The following NDST3 variants were observed in gnomAD, a reference collection of about 807,000 sequenced individuals.
NDST3 encodes the protein N-deacetylase and N-sulfotransferase 3.
Under a neutral mutation model 96.1 loss-of-function variants are expected in NDST3, and 58 were observed. That is an observed-to-expected ratio of 0.60 (90% CI 0.49 to 0.75). The LOEUF (loss-of-function observed/expected upper bound fraction) is 0.75, where lower values mean the gene tolerates loss of function less well. Ranked by LOEUF, NDST3 falls within the 30% of genes least tolerant of loss-of-function variation. The pLI, the probability that NDST3 is intolerant of heterozygous loss-of-function variation, is 0.00. For synonymous variants in NDST3, 333 were observed against 359.7 expected, an observed-to-expected ratio of 0.93 and a Z score of 0.84; for missense variants, 788 against 1,034.2, an observed-to-expected ratio of 0.76 and a Z score of 3.27.
chr4:118,104,001 C>T (rs1729968687), intron 2 of NDST3, among the ~76,000 whole-genome samples: 1 of 152,166 alleles, frequency 6.6e-6, no homozygotes, highest in Non-Finnish European at 1.5e-5. Flanking sequence ...GAATAAAAAA[C>T]TCTATCTGCT....
At chr4:118,072,792 C>A (rs1727192295) in intron 2 of NDST3, among the ~76,000 whole-genome samples, 1 of 151,998 alleles carries the variant, frequency 6.6e-6, no homozygotes, top group Admixed American at 6.6e-5. Flanking sequence ...CAGTGGGCAT[C>A]CTTGTTTTGT....
intron 6 of NDST3, among the ~76,000 whole-genome samples, chr4:118,214,069 G>A (rs2125988317): frequency 6.6e-6 from 1 of 152,052 alleles, no homozygotes; most frequent in Non-Finnish European, 1.5e-5. Flanking sequence ...TTATGAAAGA[G>A]CAGTGGAGAT....
intron 4 of NDST3, among the ~76,000 whole-genome samples, chr4:118,125,807 A>G (rs1388196568): frequency 6.6e-6 from 1 of 152,100 alleles, no homozygotes; most frequent in Non-Finnish European, 1.5e-5. Flanking sequence ...AAACCATACC[A>G]GAAATATTAT....
chr4:118,240,444 G>C lies in NDST3; in HGVS notation c.2119-80G>C, dbSNP rs191909687. On this transcript the variant is annotated intron_variant, in intron 10 of 13. Transcript: ENST00000296499. ...GTGAGGCACTTCTTTCTTTAGCTTT[G>C]AGACTTGTCACAAAGATTGATTTTT... is the stretch of plus-strand genomic sequence containing the variant. 4 of 1,238,992 alleles carry C rather than the reference G, an allele frequency of 3.2e-6. No individual in the cohort carries two copies. The Admixed American group carries it at 1.1e-4, about 33-fold the overall frequency. The allele number at this position is 1,238,992 out of a possible 1,614,324, so 76.7% of individuals were successfully genotyped here. A position where few individuals can be genotyped will look rare whatever the true frequency, so the allele number is the denominator to read the frequency against.
intron 1 of NDST3, among the ~76,000 whole-genome samples, chr4:118,036,564 A>G (rs1470454420): frequency 6.6e-6 from 1 of 152,196 alleles, no homozygotes; most frequent in Non-Finnish European, 1.5e-5. Flanking sequence ...AGGCCACAAA[A>G]GTAACGACCT....
chr4:118,126,521 TATATATATATATACAC>T (rs146307017), intron 4 of NDST3, among the ~76,000 whole-genome samples: 70,360 of 112,324 alleles, frequency 0.63, 20,184 homozygotes, highest in Admixed American at 0.74. Context: ...TGTGTATATA[TATATATATATATACAC>T]ATATATATAT....
intron 9 of NDST3, among the ~76,000 whole-genome samples, chr4:118,235,246 T>C (rs939973727): frequency 6.6e-6 from 1 of 152,168 alleles, no homozygotes; most frequent in African/African-American, 2.4e-5. Flanking sequence ...CACTAATTCT[T>C]TGAATAACCT....
intron 6 of NDST3, chr4:118,194,250 T>C (rs961322820): frequency 3.4e-5 from 25 of 724,674 alleles, no homozygotes; most frequent in Admixed American, 2.3e-4. Flanking sequence ...ATCTCCATGA[T>C]AGCACCCTCA....
At chr4:118,102,886 G>A (rs1560644279) in intron 2 of NDST3, among the ~76,000 whole-genome samples, 2 of 151,990 alleles carry the variant, frequency 1.3e-5, no homozygotes, top group Admixed American at 1.3e-4. Context: ...TCTGCCATCT[G>A]TTTCAATGTA....
chr4:118,183,677 A>T (rs962606962), intron 6 of NDST3, among the ~76,000 whole-genome samples: 1 of 152,088 alleles, frequency 6.6e-6, no homozygotes, highest in Admixed American at 6.6e-5. Context: ...GTTTTTTACC[A>T]CCTCCCTTGC....
intron 2 of NDST3, among the ~76,000 whole-genome samples, chr4:118,074,659 G>C (rs1305786985): frequency 1.3e-5 from 2 of 152,152 alleles, no homozygotes; most frequent in South Asian, 2.1e-4. Flanking sequence ...TGTCCTTGAA[G>C]ACTGCATACA....
intron 6 of NDST3, among the ~76,000 whole-genome samples, chr4:118,167,753 T>A (rs1383277289): frequency 6.6e-6 from 1 of 151,844 alleles, no homozygotes; most frequent in Non-Finnish European, 1.5e-5. Flanking sequence ...CAGAAATAAA[T>A]CTATGCATAT....
Position 118,257,849 on chromosome 4 carries a change from C to T in NDST3, c.*2137C>T, listed in dbSNP as rs1742208711. 1 of 152,140 alleles carries T rather than the reference C, an allele frequency of 6.6e-6. No homozygotes were observed. Among genetic ancestry groups the T allele is most frequent in the Non-Finnish European group, 1.5e-5 (1 of 68,022 alleles). 9.4% of individuals were successfully genotyped at this position (152,140 alleles called of 1,614,324 possible). The stretch of plus-strand genomic sequence containing the variant: ...ATGCTTACTGCTGTCTCTTTTATAG[C>T]AGCAGATGCCAGACATGCTAGGAAA... On this transcript the variant is annotated 3_prime_UTR_variant, in exon 14 of 14. Transcript: ENST00000296499.
intron 2 of NDST3, among the ~76,000 whole-genome samples, chr4:118,070,877 T>A (rs759246383): frequency 6.6e-6 from 1 of 152,012 alleles, no homozygotes; most frequent in Non-Finnish European, 1.5e-5. Flanking sequence ...AATTCCCACC[T>A]ATGACTGAGA....
intron 6 of NDST3, among the ~76,000 whole-genome samples, chr4:118,202,773 T>G (rs1738177537): frequency 6.6e-6 from 1 of 152,198 alleles, no homozygotes; most frequent in African/African-American, 2.4e-5. Flanking sequence ...AGGGAGAGTT[T>G]GACTTCCTTT....
At chr4:118,143,932 A>G (rs1286485514) in intron 6 of NDST3, among the ~76,000 whole-genome samples, 2 of 152,162 alleles carry the variant, frequency 1.3e-5, no homozygotes, top group Non-Finnish European at 2.9e-5. Context: ...TTTGCATTGC[A>G]AAGTGATCAG....
At chr4:118,197,803 CTTTT>C (rs749135213) in intron 6 of NDST3, among the ~76,000 whole-genome samples, 2 of 127,384 alleles carry the variant, frequency 1.6e-5, no homozygotes, top group African/African-American at 5.8e-5. Flanking sequence ...TGGCTTTTGG[CTTTT>C]TTTTTTTTTT....
intron 4 of NDST3, among the ~76,000 whole-genome samples, chr4:118,131,806 C>A (rs866303159): frequency 1.4e-4 from 21 of 151,898 alleles, no homozygotes; most frequent in South Asian, 6.2e-4. Flanking sequence ...CTTGCAGACT[C>A]GTAGAGGTAC....
At chr4:118,238,490 A>C (rs1740825919) in intron 10 of NDST3, among the ~76,000 whole-genome samples, 1 of 152,232 alleles carries the variant, frequency 6.6e-6, no homozygotes, top group South Asian at 2.1e-4. Context: ...AATATGAAGC[A>C]GTCAAAATTA....
Sources: gnomAD v4.1 joint callset for allele counts (sites outside exome capture counted in the v4.1 genomes callset) on GRCh38, gnomAD v4.1.1 for gene constraint, MANE v1.5 for transcripts, NCBI Gene and HGNC (gene_info 2026-07-23, HGNC 2026-07-21) for gene names.